Variants in DOCK11 observed in about 807,000 individuals in gnomAD.
DOCK11 encodes the protein dedicator of cytokinesis protein 11.
Under a neutral mutation model 169.1 loss-of-function variants are expected in DOCK11, and 70 were observed. The ratio of observed to expected loss-of-function variants is 0.41; its 90% confidence interval spans 0.34 to 0.51. The LOEUF (loss-of-function observed/expected upper bound fraction) is 0.51. DOCK11 is among the 20% of genes least tolerant of loss of function. The probability of loss-of-function intolerance (pLI) is 0.10; values close to 1 mark genes in which losing one functional copy is unlikely to be tolerated. For synonymous variants in DOCK11, 529 were observed against 541.3 expected, an observed-to-expected ratio of 0.98 and a Z score of 0.32; for missense variants, 1,166 against 1,538.8, an observed-to-expected ratio of 0.76 and a Z score of 4.05.
chrX:118,676,410 C>T (rs1385264729), intron 47 of DOCK11, among the ~76,000 whole-genome samples, 181 bp from the exon 48 acceptor site: 1 of 111,312 alleles, frequency 9.0e-6, no homozygotes, highest in African/African-American at 3.3e-5. Flanking sequence ...TGAAAATTAC[C>T]AGGAATTTAA....
At chrX:118,640,596 A>G (rs892559154) in intron 38 of DOCK11, among the ~76,000 whole-genome samples, 4 of 112,250 alleles carry the variant, frequency 3.6e-5, no homozygotes, top group African/African-American at 1.3e-4. Flanking sequence ...TACCCACATA[A>G]TTAGTGGCAT....
At chrX:118,661,914 T>C (rs1049586513) in intron 44 of DOCK11, among the ~76,000 whole-genome samples, 5 of 111,939 alleles carry the variant, frequency 4.5e-5, no homozygotes, top group Non-Finnish European at 9.4e-5. Flanking sequence ...TATTCTACCT[T>C]GAGAAGGCTA....
chrX:118,590,383 C>G (rs1360476804), intron 19 of DOCK11, 81 bp downstream of exon 19: 5 of 798,416 alleles, frequency 6.3e-6, no homozygotes, highest in Non-Finnish European at 9.2e-6. Flanking sequence ...ATCATTTTAC[C>G]AGCACTTTCA....
intron 1 of DOCK11, among the ~76,000 whole-genome samples, chrX:118,516,087 C>CTTTTCTTTT (rs2057684348): frequency 1.6e-5 from 1 of 63,732 alleles, no homozygotes; most frequent in African/African-American, 7.1e-5. Context: ...CTTTTCTTTT[C>CTTTTCTTTT]TTTTTCTTTT....
intron 52 of DOCK11, among the ~76,000 whole-genome samples, chrX:118,684,188 C>A (rs962678130): frequency 4.5e-5 from 5 of 110,834 alleles, no homozygotes; most frequent in East Asian, 2.8e-4. Context: ...ATTCCTTGTC[C>A]CCTTTCAGTG....
chrX:118,522,759 C>T (rs1241002213), intron 1 of DOCK11, among the ~76,000 whole-genome samples: 1 of 111,517 alleles, frequency 9.0e-6, no homozygotes, highest in Non-Finnish European at 1.9e-5. Flanking sequence ...TAGGTCGGGC[C>T]CACCTGGAAT....
rs2147474623 is a variant in DOCK11, at chrX:118,618,835, A to C, written c.3471+107A>C. 3 of 651,836 alleles carry C rather than the reference A, an allele frequency of 4.6e-6. No homozygotes were observed. In the East Asian group the frequency reaches 1.2e-4, roughly 26 times the overall value. 53.7% of individuals were successfully genotyped at this position (651,836 alleles called of 1,213,427 possible). On this transcript the variant is annotated intron_variant, in intron 31 of 52. Transcript: ENST00000276202. ...AAGGAGCATTATATAAGCATTGAGGAAAATTTATTTTTGCTTCAAATCATA... is the reference window on the plus strand; with the variant it reads ...AAGGAGCATTATATAAGCATTGAGGCAAATTTATTTTTGCTTCAAATCATA...
At chrX:118,681,940 A>C (rs2016754170) in intron 51 of DOCK11, 146 bp downstream of exon 51, 2 of 388,502 alleles carry the variant, frequency 5.1e-6, no homozygotes, top group Non-Finnish European at 8.7e-6. Flanking sequence ...TGACCTCCTA[A>C]TGGCACTTTG....
At chrX:118,684,311 G>A (rs1364294616) in intron 52 of DOCK11, among the ~76,000 whole-genome samples, 3 of 84,252 alleles carry the variant, frequency 3.6e-5, no homozygotes, top group South Asian at 6.0e-4. Flanking sequence ...TCACTCTGTC[G>A]CCCAGGCTGG....
At chrX:118,498,966 T>C (rs1459808594) in intron 1 of DOCK11, among the ~76,000 whole-genome samples, 4 of 111,448 alleles carry the variant, frequency 3.6e-5, no homozygotes, top group Non-Finnish European at 7.5e-5. Context: ...AGAGAGACTG[T>C]TCCACTGTTA....
At chrX:118,613,929 G>A (rs926214733) in intron 28 of DOCK11, among the ~76,000 whole-genome samples, 29 of 112,298 alleles carry the variant, frequency 2.6e-4, no homozygotes, top group African/African-American at 9.4e-4. Flanking sequence ...GACTATGAGT[G>A]TTCTTGAATG....
intron 31 of DOCK11, among the ~76,000 whole-genome samples, chrX:118,620,334 C>T (rs1447680728): frequency 3.6e-5 from 4 of 111,642 alleles, no homozygotes; most frequent in East Asian, 2.8e-4. Flanking sequence ...CATTTATCAT[C>T]GGTCATTTTG....
rs1407060604 is a variant in DOCK11 at position 118,598,129 on chromosome X, A to G, written c.2472+13A>G. 8.7e-7 allele frequency: 1 copy of G among 1,150,135 alleles called. No individual in the cohort carries two copies. Among genetic ancestry groups the G allele is most frequent in the Non-Finnish European group, 1.2e-6 (1 of 847,631 alleles). The allele number at this position is 1,150,135 out of a possible 1,213,427, so 94.8% of individuals were successfully genotyped here. On this transcript the variant is annotated intron_variant, in intron 22 of 52. Coordinates refer to ENST00000276202, the MANE Select transcript of DOCK11 (RefSeq NM_144658.4). Reference sequence around the variant, plus strand: ...CATTTACACTCAAGTAAGTTGCATCATTTGAATTTTGTCAATTTTTATACT... The same window carrying G: ...CATTTACACTCAAGTAAGTTGCATCGTTTGAATTTTGTCAATTTTTATACT...
chrX:118,652,830 C>G (rs765327336), intron 42 of DOCK11, among the ~76,000 whole-genome samples: 7 of 112,451 alleles, frequency 6.2e-5, no homozygotes, highest in Non-Finnish European at 1.3e-4. Flanking sequence ...TCTTCCAGCA[C>G]AGTTTGACAA....
At chrX:118,646,053 CAAAAAAAA>C (rs754457760) in intron 40 of DOCK11, among the ~76,000 whole-genome samples, 3 of 38,989 alleles carry the variant, frequency 7.7e-5, no homozygotes, top group Admixed American at 7.5e-4. Context: ...GAGACTTCGT[CAAAAAAAA>C]AAAAAAAAAA....
At chrX:118,650,466 T>G (rs2015920106) in intron 41 of DOCK11, among the ~76,000 whole-genome samples, 2 of 111,821 alleles carry the variant, frequency 1.8e-5, no homozygotes, top group Admixed American at 1.9e-4. Flanking sequence ...TAGAGTTGTT[T>G]ACTGGAGATA....
intron 1 of DOCK11, among the ~76,000 whole-genome samples, chrX:118,532,051 TAAA>T (rs1480528394): frequency 9.2e-6 from 1 of 109,042 alleles, no homozygotes; most frequent in Non-Finnish European, 1.9e-5. Flanking sequence ...GGAATTGGCT[TAAA>T]GAAGAATATA....
At chrX:118,573,614 A>G (rs1244736826) in intron 11 of DOCK11, among the ~76,000 whole-genome samples, 192 bp from the exon 12 acceptor site, 1 of 112,101 alleles carries the variant, frequency 8.9e-6, no homozygotes, top group Non-Finnish European at 1.9e-5. Context: ...AATTTGATGA[A>G]GTCTGTTGTT....
chrX:118,679,145 T>C (rs1389755311), intron 48 of DOCK11, among the ~76,000 whole-genome samples: 2 of 110,738 alleles, frequency 1.8e-5, no homozygotes, highest in Admixed American at 9.7e-5. Context: ...CCCAAGCTGG[T>C]CTCAATCTCC....
Sources: allele counts gnomAD v4.1 joint callset (sites outside exome capture counted in the v4.1 genomes callset), GRCh38; gene constraint gnomAD v4.1.1; transcripts MANE v1.5; gene names NCBI Gene and HGNC (gene_info 2026-07-23, HGNC 2026-07-21).